SPINT2: variants seen among roughly 807,000 people sequenced by gnomAD.
SPINT2 encodes the protein kunitz-type protease inhibitor 2.
SPINT2 carries 18 observed loss-of-function variants against 30.1 expected under a neutral mutation model. That is an observed-to-expected ratio of 0.60 (90% CI 0.41 to 0.89). The LOEUF (loss-of-function observed/expected upper bound fraction) is 0.89. SPINT2 is among the 40% of genes least tolerant of loss of function. The pLI is 0.00. For synonymous variants in SPINT2, 139 were observed against 137.9 expected, an observed-to-expected ratio of 1.01 and a Z score of -0.05; for missense variants, 276 against 334.3, an observed-to-expected ratio of 0.83 and a Z score of 1.36.
At chr19:38,282,865 G>T (rs1432524269) in intron 1 of SPINT2, among the ~76,000 whole-genome samples, 1 of 152,238 alleles carries the variant, frequency 6.6e-6, no homozygotes, top group Non-Finnish European at 1.5e-5. Flanking sequence ...AAAAGCACGT[G>T]TGAGGACTAC....
Position 38,292,102 on chromosome 19 carries a change from G to C in SPINT2, c.*96G>C. ...TGACTCGGATTTGAGTGATCATTAG[G>C]GCTGAGGTCTGTTTCTCTGGGAGGT... On this transcript the variant is annotated 3_prime_UTR_variant, in exon 7 of 7. Coordinates refer to ENST00000301244, the MANE Select transcript of SPINT2 (RefSeq NM_021102.4). 1 of 1,512,022 alleles carries C rather than the reference G, an allele frequency of 6.6e-7. No individual in the cohort carries two copies. Among genetic ancestry groups the C allele is most frequent in the Non-Finnish European group, 9.0e-7 (1 of 1,117,100 alleles). 93.7% of individuals were successfully genotyped at this position (1,512,022 alleles called of 1,614,324 possible). A position where few individuals can be genotyped will look rare whatever the true frequency, so the allele number is the denominator to read the frequency against.
At position 38,277,746 on chromosome 19, in the gene SPINT2, G is replaced by A. The variant is rs762566693; in HGVS notation, c.107-5881G>A. On this transcript the variant is annotated intron_variant, in intron 1 of 6. Transcript: ENST00000301244. ...AATAGCTGACATTCAGAATGCCTGC[G>A]AGGATTTTGTAAGTGAGGTTCATAT... 7.6e-4 allele frequency among the ~76,000 whole-genome samples: 115 copies of A among 152,206 alleles called. 2 individuals are homozygous for A. The highest frequency in any genetic ancestry group is 3.2e-4 in the Non-Finnish European group (22 of 68,046).
chr19:38,268,153 T>TGA (rs1369731864), intron 1 of SPINT2, among the ~76,000 whole-genome samples: 1 of 151,938 alleles, frequency 6.6e-6, no homozygotes, highest in African/African-American at 2.4e-5. Context: ...GGGCTTCTTG[T>TGA]GAGAAGCATC....
At chr19:38,280,391 G>A (rs1968567231) in intron 1 of SPINT2, among the ~76,000 whole-genome samples, 1 of 152,196 alleles carries the variant, frequency 6.6e-6, no homozygotes, top group South Asian at 2.1e-4. Flanking sequence ...TTTCCAAGGT[G>A]TTTTGCTGAT....
In SPINT2 at chr19:38,292,289, A is replaced by C; in HGVS notation, c.*283A>C. On this transcript the variant is annotated 3_prime_UTR_variant, in exon 7 of 7. Coordinates refer to ENST00000301244, the MANE Select transcript of SPINT2 (RefSeq NM_021102.4). ...GTTTTCTTTGCTTATGTTGAATTCC[A>C]TTGCCTCTTTTCTCATCACAGAAGT... The C allele has an allele frequency of 2.7e-6, 1 of 373,942 alleles. No homozygotes were observed. Among genetic ancestry groups the C allele is most frequent in the South Asian group, 3.6e-5 (1 of 28,142 alleles). 23.2% of individuals were successfully genotyped at this position (373,942 alleles called of 1,614,324 possible). A position where few individuals can be genotyped will look rare whatever the true frequency, so the allele number is the denominator to read the frequency against.
chr19:38,283,712 G>A lies in SPINT2; in HGVS notation c.192G>A (p.Gln64=). The A allele has an allele frequency of 6.2e-7, 1 of 1,614,130 alleles. No homozygotes were observed. The highest frequency in any genetic ancestry group is 1.1e-5 in the South Asian group (1 of 91,086). Residue 64 remains glutamine (Q), a synonymous_variant, in exon 2 of 7, where the codon CAG becomes CAA. Coordinates refer to ENST00000301244, the MANE Select transcript of SPINT2 (RefSeq NM_021102.4). ...ACAATGTCACTGACGGATCCTGCCA[G>A]CTGTTTGTGTATGGGGGCTGTGACG... ...WWYNVTDGSC[Q]LFVYGGCDGN...
At chr19:38,279,054 C>T (rs925867151) in intron 1 of SPINT2, among the ~76,000 whole-genome samples, 2 of 151,984 alleles carry the variant, frequency 1.3e-5, no homozygotes, top group Non-Finnish European at 2.9e-5. Context: ...TTGTCTTCAA[C>T]GAGGAGCTTC....
chr19:38,292,314 T>G lies in SPINT2; in HGVS notation c.*308T>G. 1 of 250,536 alleles carries G rather than the reference T, an allele frequency of 4.0e-6. No individual in the cohort carries two copies. Among genetic ancestry groups the G allele is most frequent in the Non-Finnish European group, 7.8e-6 (1 of 128,950 alleles). 15.5% of individuals were successfully genotyped at this position (250,536 alleles called of 1,614,324 possible). On this transcript the variant is annotated 3_prime_UTR_variant, in exon 7 of 7. Transcript: ENST00000301244. ...ATTGCCTCTTTTCTCATCACAGAAG[T>G]GATGTTGGAATCGTTTCTTTTGTTT...
intron 2 of SPINT2, among the ~76,000 whole-genome samples, chr19:38,285,809 C>G (rs1055188708): frequency 1.3e-5 from 2 of 152,186 alleles, no homozygotes; most frequent in African/African-American, 4.8e-5. Context: ...AGCTGTGATT[C>G]ATTATGAAGG....
At chr19:38,288,882 T>G in intron 3 of SPINT2, 1 of 512,598 alleles carries the variant, frequency 2.0e-6, no homozygotes, top group Non-Finnish European at 3.6e-6. Flanking sequence ...TTCCCTATAA[T>G]ATTAGGAGCT....
chr19:38,273,322 TA>T (rs1968478221), intron 1 of SPINT2, among the ~76,000 whole-genome samples: 1 of 152,210 alleles, frequency 6.6e-6, no homozygotes, highest in African/African-American at 2.4e-5. Context: ...TAGATCATCT[TA>T]AAATAAGGCT....
chr19:38,291,381 G>A (rs1968716353), intron 6 of SPINT2: 2 of 169,044 alleles, frequency 1.2e-5, no homozygotes, highest in Admixed American at 1.1e-4. Flanking sequence ...TCATCCCGCA[G>A]TAGCTCTCAG....
rs1435815728 is a variant in SPINT2, at chr19:38,289,168, C to T, written c.368C>T (p.Ser123Phe). ...AGAAGGCAGGATTCTGAAGACCACT[C>T]CAGCGATATGTTCAACTATGAAGGT... ...APRRQDSEDH[S>F]SDMFNYEEYC... Residue 123 changes from serine to phenylalanine, a missense_variant, in exon 4 of 7, where the codon TCC (serine) becomes TTC (phenylalanine). Physicochemically the swap from Ser to Phe is radical, Grantham distance 155. Transcript: ENST00000301244. 2.5e-6 allele frequency: 4 copies of T among 1,613,852 alleles called. No individual in the cohort carries two copies. Among genetic ancestry groups the T allele is most frequent in the African/African-American group, 2.7e-5 (2 of 74,878 alleles).
intron 3 of SPINT2, 196 bp downstream of exon 3, chr19:38,288,131 G>T: frequency 1.5e-6 from 1 of 660,218 alleles, no homozygotes; most frequent in Non-Finnish European, 2.7e-6. Flanking sequence ...CTGTCCAGCT[G>T]ACACAGGGGC....
intron 1 of SPINT2, among the ~76,000 whole-genome samples, chr19:38,270,116 A>G (rs1195843755): frequency 6.6e-6 from 1 of 152,212 alleles, no homozygotes; most frequent in Non-Finnish European, 1.5e-5. Flanking sequence ...TAAGCTTTCC[A>G]GCAGACTCCA....
At position 38,291,980 on chromosome 19, in the gene SPINT2, C is replaced by A. The variant is rs778294793; in HGVS notation, c.733C>A (p.Leu245Met). ...GAGCTCCGGAGATGACAAGGAGCAG[C>A]TGGTGAAGAACACATATGTCCTGTG... ...VWSSGDDKEQLVKNTYVL is the reference protein window; with the variant it reads ...VWSSGDDKEQMVKNTYVL The change falls in exon 7 of 7, where the codon CTG (leucine) becomes ATG (methionine). Residue 245 changes from leucine to methionine, a missense_variant. Leu to Met is a conservative substitution (Grantham distance 15). Transcript: ENST00000301244. 2 of 1,614,132 alleles carry A rather than the reference C, an allele frequency of 1.2e-6. No individual in the cohort carries two copies. The highest frequency in any genetic ancestry group is 1.7e-6 in the Non-Finnish European group (2 of 1,180,030).
chr19:38,269,852 G>A (rs1265773208), intron 1 of SPINT2, among the ~76,000 whole-genome samples: 4 of 152,182 alleles, frequency 2.6e-5, no homozygotes, highest in Non-Finnish European at 5.9e-5. Context: ...CTTGTGATCT[G>A]CCCGCCTCGG....
intron 1 of SPINT2, among the ~76,000 whole-genome samples, chr19:38,277,060 T>C (rs1600339777): frequency 6.6e-6 from 1 of 152,194 alleles, no homozygotes; most frequent in East Asian, 1.9e-4. Flanking sequence ...GCAGGCCTAC[T>C]CTATGTTTTA....
At chr19:38,268,764 CGCGTGT>C (rs1032539403) in intron 1 of SPINT2, among the ~76,000 whole-genome samples, 57 of 141,404 alleles carry the variant, frequency 4.0e-4, no homozygotes, top group African/African-American at 1.4e-3. Flanking sequence ...CATGCGCGCG[CGCGTGT>C]GTGTGTGTGT....
Sources: allele counts gnomAD v4.1 joint callset (sites outside exome capture counted in the v4.1 genomes callset), GRCh38; gene constraint gnomAD v4.1.1; transcripts MANE v1.5; gene names NCBI Gene and HGNC (gene_info 2026-07-23, HGNC 2026-07-21).